IPCEF1: variants seen among roughly 807,000 people sequenced by gnomAD.
The protein encoded by IPCEF1 is interaction protein for cytohesin exchange factors 1, also known as interactor protein for cytohesin exchange factors 1.
A neutral mutation model predicts 50.9 loss-of-function variants in IPCEF1; 31 were observed. That is an observed-to-expected ratio of 0.61 (90% confidence interval 0.46 to 0.82). The LOEUF is 0.82. IPCEF1 is among the 40% of genes least tolerant of loss of function. The probability of loss-of-function intolerance (pLI) is 0.00; values close to 1 mark genes in which losing one functional copy is unlikely to be tolerated. For synonymous variants in IPCEF1, 181 were observed against 192.0 expected (o/e 0.94, Z 0.47); for missense variants, 458 against 514.0 (o/e 0.89, Z 1.05).
chr6:154,223,138 C>G, intron 6 of IPCEF1, 32 bp downstream of exon 6: 1 of 1,538,642 alleles, frequency 6.5e-7, no homozygotes, highest in Non-Finnish European at 9.0e-7. Context: ...TATCCTGGCT[C>G]AGAGTTTTGT....
At chr6:154,318,895 G>A (rs1783300488) in intron 1 of IPCEF1, among the ~76,000 whole-genome samples, 1 of 152,072 alleles carries the variant, frequency 6.6e-6, no homozygotes. Context: ...ACCTATGTGT[G>A]TCTGTCTCAA....
At chr6:154,286,639 G>A (rs944459756) in intron 2 of IPCEF1, among the ~76,000 whole-genome samples, 1 of 152,232 alleles carries the variant, frequency 6.6e-6, no homozygotes, top group African/African-American at 2.4e-5. Context: ...CAATGAGGCA[G>A]GGAGGGGAAG....
intron 10 of IPCEF1, among the ~76,000 whole-genome samples, chr6:154,185,163 C>G (rs1042235147): frequency 6.6e-6 from 1 of 152,150 alleles, no homozygotes; most frequent in Non-Finnish European, 1.5e-5. Context: ...ATGATATACT[C>G]AGCTGTATGT....
In IPCEF1 at chr6:154,307,350, T is replaced by C. The variant is rs570257231; in HGVS notation, c.-61-17594A>G. 2.0e-5 allele frequency among the ~76,000 whole-genome samples: 3 copies of C among 152,334 alleles called. No individual in the cohort carries two copies. In the East Asian group the frequency reaches 5.8e-4, roughly 29 times the overall value. On this transcript the variant is annotated intron_variant, in intron 1 of 11. Coordinates refer to ENST00000367220, the MANE Select transcript of IPCEF1 (RefSeq NM_001130700.2). ...CTCTCTCTTTGCCTGCCGCCATCCA[T>C]GTAAGACGTGACTTGCTCCTCCTTG...
At chr6:154,172,609 G>A (rs1799965787) in intron 10 of IPCEF1, among the ~76,000 whole-genome samples, 1 of 152,206 alleles carries the variant, frequency 6.6e-6, no homozygotes, top group Non-Finnish European at 1.5e-5. Context: ...CATTGCTGAG[G>A]CTTGAGTAGG....
chr6:154,354,406 TCCACCACCA>T (rs1368241723), intron 1 of IPCEF1, among the ~76,000 whole-genome samples: 13 of 148,368 alleles, frequency 8.8e-5, no homozygotes, highest in East Asian at 5.9e-4. Context: ...AACCACCATC[TCCACCACCA>T]CCTCCACCAC....
intron 10 of IPCEF1, among the ~76,000 whole-genome samples, chr6:154,185,145 C>T (rs1801223987): frequency 6.6e-6 from 1 of 152,096 alleles, no homozygotes. Flanking sequence ...TCCCCTGAGC[C>T]TCTTACCATG....
At chr6:154,225,531 C>G (rs893893721) in intron 5 of IPCEF1, among the ~76,000 whole-genome samples, 1 of 152,146 alleles carries the variant, frequency 6.6e-6, no homozygotes, top group African/African-American at 2.4e-5. Context: ...ATGAAATATC[C>G]AGAAGTGGAA....
At chr6:154,336,672 C>T (rs908172432) in intron 1 of IPCEF1, among the ~76,000 whole-genome samples, 5 of 152,044 alleles carry the variant, frequency 3.3e-5, no homozygotes, top group African/African-American at 7.3e-5. Flanking sequence ...TGCATAATCA[C>T]GGCTCACTGC....
intron 1 of IPCEF1, among the ~76,000 whole-genome samples, chr6:154,332,962 G>A (rs998481639): frequency 2.0e-5 from 3 of 152,082 alleles, no homozygotes; most frequent in East Asian, 3.9e-4. Flanking sequence ...AGAGAGAATC[G>A]AAAAACAATT....
chr6:154,264,888 C>T (rs1781714753), intron 3 of IPCEF1, among the ~76,000 whole-genome samples: 1 of 152,150 alleles, frequency 6.6e-6, no homozygotes, highest in Non-Finnish European at 1.5e-5. Context: ...ATTCTTCATC[C>T]CTGTTACCAC....
At chr6:154,193,027 C>G (rs1250097515) in intron 10 of IPCEF1, among the ~76,000 whole-genome samples, 1 of 152,134 alleles carries the variant, frequency 6.6e-6, no homozygotes, top group African/African-American at 2.4e-5. Context: ...GATATCTACT[C>G]ACAGGAAAAG....
At chr6:154,163,127 C>A (rs1799157942) in intron 11 of IPCEF1, among the ~76,000 whole-genome samples, 1 of 152,190 alleles carries the variant, frequency 6.6e-6, no homozygotes, top group Non-Finnish European at 1.5e-5. Flanking sequence ...TCCAGAGGGT[C>A]ACTGTCTTAC....
chr6:154,164,949 A>AAG (rs1365446004), intron 11 of IPCEF1, among the ~76,000 whole-genome samples: 1 of 152,304 alleles, frequency 6.6e-6, no homozygotes, highest in South Asian at 2.1e-4. Context: ...AATTTCCCTG[A>AAG]AGTGCATTCA....
At chr6:154,177,522 A>G (rs1800441329) in intron 10 of IPCEF1, among the ~76,000 whole-genome samples, 1 of 152,266 alleles carries the variant, frequency 6.6e-6, no homozygotes, top group African/African-American at 2.4e-5. Context: ...TATGCAGCCA[A>G]CAGACATATG....
At chr6:154,340,110 G>A (rs1010367639) in intron 1 of IPCEF1, among the ~76,000 whole-genome samples, 6 of 152,056 alleles carry the variant, frequency 3.9e-5, no homozygotes, top group Non-Finnish European at 8.8e-5. Flanking sequence ...AATTTGAGGC[G>A]GGTCTCAGTT....
chr6:154,223,282 C>T, intron 5 of IPCEF1, 39 bp from the exon 6 acceptor site: 7 of 1,450,896 alleles, frequency 4.8e-6, no homozygotes, highest in Non-Finnish European at 6.7e-6. Flanking sequence ...ATGAATGCAT[C>T]AATCCTGGGG....
chr6:154,276,148 C>T (rs1261539335), intron 2 of IPCEF1, among the ~76,000 whole-genome samples: 2 of 151,482 alleles, frequency 1.3e-5, no homozygotes, highest in African/African-American at 2.4e-5. Flanking sequence ...TGTGCCACTG[C>T]ACTCCAGCCT....
chr6:154,303,591 T>C (rs1302717491), intron 1 of IPCEF1, among the ~76,000 whole-genome samples: 2 of 152,164 alleles, frequency 1.3e-5, no homozygotes, highest in Admixed American at 6.5e-5. Flanking sequence ...AGAATGATTC[T>C]CATACATTCT....
Sources: allele counts gnomAD v4.1 joint callset (sites outside exome capture counted in the v4.1 genomes callset), GRCh38; gene constraint gnomAD v4.1.1; transcripts MANE v1.5; gene names NCBI Gene and HGNC (gene_info 2026-07-23, HGNC 2026-07-21).